Variants in KIF1C observed in about 807,000 individuals in gnomAD.
The protein encoded by KIF1C is kinesin family member 1C, also known as kinesin-like protein KIF1C.
A neutral mutation model predicts 126.5 loss-of-function variants in KIF1C; 61 were observed. The observed-to-expected ratio is 0.48, with a 90% CI of 0.39 to 0.60. The LOEUF is 0.60. Among genes scored for constraint, KIF1C ranks in the 20% least tolerant of loss-of-function variants. The pLI, the probability that KIF1C is intolerant of heterozygous loss-of-function variation, is 0.00. For missense variants in KIF1C, 1,315 were observed against 1,489.2 expected (o/e 0.88, Z 1.93); for synonymous variants, 640 against 580.6 (o/e 1.10, Z -1.47).
intron 4 of KIF1C, 73 bp downstream of exon 4, chr17:5,000,921 T>C (rs1339623925): frequency 1.4e-6 from 2 of 1,423,910 alleles, no homozygotes; most frequent in Middle Eastern, 1.8e-4. Context: ...GGGGACATGT[T>C]AAGAAATAGG....
At chr17:5,003,234 A>G (rs534664978) in intron 8 of KIF1C, among the ~76,000 whole-genome samples, 1 of 151,766 alleles carries the variant, frequency 6.6e-6, no homozygotes, top group Non-Finnish European at 1.5e-5. Context: ...TTTAGTAGAG[A>G]CGAGGTTTCG....
chr17:5,015,561 G>A (rs1248319559), intron 18 of KIF1C, among the ~76,000 whole-genome samples: 2 of 149,606 alleles, frequency 1.3e-5, no homozygotes. Flanking sequence ...TGGGATTACA[G>A]GCGTGAGCCA....
intron 16 of KIF1C, among the ~76,000 whole-genome samples, chr17:5,008,609 A>G (rs1364703058): frequency 1.3e-5 from 2 of 152,236 alleles, no homozygotes; most frequent in Admixed American, 1.3e-4. Flanking sequence ...GGACTAAGCA[A>G]GCAGGGATCA....
At chr17:5,005,226 G>C (rs1000546495) in intron 13 of KIF1C, among the ~76,000 whole-genome samples, 4 of 152,374 alleles carry the variant, frequency 2.6e-5, no homozygotes, top group Middle Eastern at 3.4e-3. Context: ...AGAAGGACCT[G>C]TCAGGCTCCT....
chr17:5,019,925 T>C (rs1438269709), intron 18 of KIF1C, 71 bp from the exon 19 acceptor site: 1 of 1,250,914 alleles, frequency 8.0e-7, no homozygotes, highest in Non-Finnish European at 1.1e-6. Context: ...TAAGGCAAGG[T>C]GGGAATCTGT....
Position 5,003,862 on chromosome 17 carries a change from C to T in KIF1C, c.810C>T (p.Asn270=). The T allele has an allele frequency of 1.2e-6, 2 of 1,613,694 alleles. No homozygotes were observed. Among genetic ancestry groups the T allele is most frequent in the Non-Finnish European group, 1.7e-6 (2 of 1,179,620 alleles). ...TCATCCTTTTCCAGGAAGGAGCCAACATCAATAAGTCCCTGACTACACTAG... is the reference window on the plus strand; with the variant it reads ...TCATCCTTTTCCAGGAAGGAGCCAATATCAATAAGTCCCTGACTACACTAG... ...ARGMRLKEGA[N]INKSLTTLGK... is the part of the protein sequence containing the mutation. Residue 270 remains asparagine, a synonymous_variant, in exon 10 of 23, where the codon AAC becomes AAT. Transcript: ENST00000320785.
chr17:5,005,868 A>G (rs1204487641), intron 13 of KIF1C, among the ~76,000 whole-genome samples: 1 of 150,970 alleles, frequency 6.6e-6, no homozygotes, highest in African/African-American at 2.4e-5. Flanking sequence ...CTGGGATTAC[A>G]GGCGCCCACC....
At chr17:5,004,509 G>C in intron 11 of KIF1C, 58 bp from the exon 12 acceptor site, 1 of 1,528,884 alleles carries the variant, frequency 6.5e-7, no homozygotes, top group Non-Finnish European at 9.1e-7. Flanking sequence ...CTGTGACCCG[G>C]TCTGACTTTG....
intron 5 of KIF1C, 127 bp from the exon 6 acceptor site, chr17:5,001,932 A>T: frequency 1.2e-6 from 1 of 803,624 alleles, no homozygotes; most frequent in Admixed American, 2.1e-5. Flanking sequence ...AAATGGGAAT[A>T]ACCCCTCCCT....
At position 5,022,445 on chromosome 17, in the gene KIF1C, G is replaced by T; in HGVS notation, c.2364G>T (p.Lys788Asn). The change falls in exon 22 of 23, where the codon AAG becomes AAT. Residue 788 changes from lysine to asparagine, a missense_variant. Physicochemically the swap from Lys to Asn is moderately conservative, Grantham distance 94. Around this residue, in one of 2 missense-constraint regions of KIF1C, gnomAD observed 874 missense variants for 1,053.2 expected, o/e 0.83. Transcript: ENST00000320785. The surrounding 1 kb of genome is among the most constrained non-coding windows in gnomAD (Gnocchi z 4.9). ...GGGAGCTGTGTCGCACCTATGGCAA[G>T]CCAGACGGCCCCGGAGACGCCTGGA... ...KMRELCRTYG[K>N]PDGPGDAWRA... 1 of 1,582,794 alleles carries T rather than the reference G, an allele frequency of 6.3e-7. No individual in the cohort carries two copies. The highest frequency in any genetic ancestry group is 8.6e-7 in the Non-Finnish European group (1 of 1,163,122).
chr17:5,018,039 G>A (rs1975013363), intron 18 of KIF1C, among the ~76,000 whole-genome samples: 1 of 152,006 alleles, frequency 6.6e-6, no homozygotes, highest in Non-Finnish European at 1.5e-5. Context: ...AGAGTGCAGT[G>A]GCATGATCAT....
chr17:5,007,046 T>G lies in KIF1C; in HGVS notation c.1297T>G (p.Ser433Ala). The G allele has an allele frequency of 6.2e-7, 1 of 1,603,828 alleles. No homozygotes were observed. Among genetic ancestry groups the G allele is most frequent in the Non-Finnish European group, 8.5e-7 (1 of 1,177,084 alleles). The change falls in exon 14 of 23, where the codon TCC (serine) becomes GCC (alanine). Residue 433 changes from serine (S) to alanine (A), a missense_variant. Ser to Ala is a moderately conservative substitution (Grantham distance 99, BLOSUM62 1). This residue lies in a region of KIF1C where 874 missense variants were observed against 1,053.2 expected (regional missense o/e 0.83). Coordinates refer to ENST00000320785, the MANE Select transcript of KIF1C (RefSeq NM_006612.6). ...GCCGTCATTCTCCCCCAACACGGAG[T>G]CCCAGATTGGGCCTGAGGAAGCCAT... ...LEPSFSPNTE[S>A]QIGPEEAMER...
At position 5,004,969 on chromosome 17, in the gene KIF1C, G is replaced by A. The variant is rs778030228; in HGVS notation, c.1134G>A (p.Met378Ile). ...EEVARLRELL[M>I]AQGLSASALE... ...TAGCCCGGCTGCGGGAACTGCTGAT[G>A]GCTCAGGGACTGTCAGCCTCTGCTC... Residue 378 changes from methionine (M) to isoleucine (I), a missense_variant, in exon 13 of 23, where the codon ATG becomes ATA. Coordinates refer to ENST00000320785, the MANE Select transcript of KIF1C (RefSeq NM_006612.6). 19 of 1,614,136 alleles carry A rather than the reference G, an allele frequency of 1.2e-5. No individual in the cohort carries two copies. In the Admixed American group the frequency reaches 1.3e-4, roughly 11 times the overall value.
Position 5,001,230 on chromosome 17 carries a change from C to A in KIF1C, c.192C>A (p.Asp64Glu), listed in dbSNP as rs759293239. ...YSYWSHTSTE[D>E]PQFASQQQVY... is the part of the protein sequence containing the mutation. ...CCCCCACTTTCTCCTAGACGGAGGA[C>A]CCCCAGTTTGCATCTCAGCAGCAAG... Residue 64 changes from aspartate (D) to glutamate (E), a missense_variant, in exon 5 of 23, where the codon GAC becomes GAA. Physicochemically the swap from Asp to Glu is conservative, Grantham distance 45. Transcript: ENST00000320785. The A allele has an allele frequency of 5.0e-6, 8 of 1,614,020 alleles. No individual in the cohort carries two copies. Among genetic ancestry groups the A allele is most frequent in the Non-Finnish European group, 6.8e-6 (8 of 1,179,938 alleles).
intron 21 of KIF1C, among the ~76,000 whole-genome samples, chr17:5,021,239 C>G (rs1975085771): frequency 8.2e-6 from 1 of 121,300 alleles, no homozygotes; most frequent in African/African-American, 3.2e-5. Context: ...GTGGGATGAT[C>G]TCGACTTACT....
At position 5,004,435 on chromosome 17, in the gene KIF1C, G is replaced by T. The variant is rs563356422; in HGVS notation, c.941-132G>T. The T allele has an allele frequency of 9.9e-6, 8 of 804,630 alleles. No individual in the cohort carries two copies. In the Admixed American group the frequency reaches 1.6e-4, roughly 16 times the overall value. The allele number at this position is 804,630 out of a possible 1,614,324, so 49.8% of individuals were successfully genotyped here. Reference sequence around the variant, plus strand: ...CAGATGTCATGGTTAGCTCCACCCCGCTAGACTCCCCTACCTCAGACCATG... The same window carrying T: ...CAGATGTCATGGTTAGCTCCACCCCTCTAGACTCCCCTACCTCAGACCATG... On this transcript the variant is annotated intron_variant, in intron 11 of 22. Transcript: ENST00000320785.
At chr17:5,018,263 G>C (rs926949309) in intron 18 of KIF1C, among the ~76,000 whole-genome samples, 2 of 152,140 alleles carry the variant, frequency 1.3e-5, no homozygotes, top group Admixed American at 1.3e-4. Flanking sequence ...TTACAGGCGT[G>C]AGCCACTGTG....
Position 5,002,857 on chromosome 17 carries a change from C to G in KIF1C, c.720+15C>G, listed in dbSNP as rs371887881. The G allele has an allele frequency of 5.7e-6, 9 of 1,581,114 alleles. No individual in the cohort carries two copies. The South Asian group carries it at 8.9e-5, about 16-fold the overall frequency. ...ACTCGGAGAAGGTGGGATCGCCCCC[C>G]CCCCCACTCCCCCACCGGATGCAAC... On this transcript the variant is annotated intron_variant, in intron 8 of 22. Coordinates refer to ENST00000320785, the MANE Select transcript of KIF1C (RefSeq NM_006612.6).
chr17:5,007,322 A>G lies in KIF1C; in HGVS notation c.1395A>G (p.Thr465=). 2.5e-6 allele frequency: 4 copies of G among 1,613,668 alleles called. No individual in the cohort carries two copies. The highest frequency in any genetic ancestry group is 3.4e-6 in the Non-Finnish European group (4 of 1,179,782). The change falls in exon 15 of 23, where the codon ACA becomes ACG. Residue 465 remains threonine, a synonymous_variant. Coordinates refer to ENST00000320785, the MANE Select transcript of KIF1C (RefSeq NM_006612.6). ...CATGGGAGGAGAAGCTACGCAAGACAGAAGCCCTGAGGATGGAGAGGTGTG... is the reference window on the plus strand; with the variant it reads ...CATGGGAGGAGAAGCTACGCAAGACGGAAGCCCTGAGGATGGAGAGGTGTG... The part of the protein sequence containing the change: ...NETWEEKLRK[T]EALRMEREAL...
Sources: gnomAD v4.1 joint callset for allele counts (sites outside exome capture counted in the v4.1 genomes callset) on GRCh38, gnomAD v4.1.1 for gene constraint, gnomAD v4.1.1 regional missense constraint, Gnocchi (gnomAD v3.1) non-coding constraint, MANE v1.5 for transcripts, NCBI Gene and HGNC (gene_info 2026-07-23, HGNC 2026-07-21) for gene names.